The following CSMD1 variants were observed in gnomAD, a reference collection of about 807,000 sequenced individuals.
CSMD1 encodes CUB and sushi domain-containing protein 1.
Under a neutral mutation model 417.5 loss-of-function variants are expected in CSMD1, and 213 were observed. The ratio of observed to expected loss-of-function variants is 0.51; its 90% CI spans 0.46 to 0.57. The LOEUF (loss-of-function observed/expected upper bound fraction) is 0.57, where lower values mean the gene tolerates loss of function less well. Among genes scored for constraint, CSMD1 ranks in the 20% least tolerant of loss-of-function variants. CSMD1 has a pLI of 0.00. For synonymous variants in CSMD1, 2,862 were observed against 1,736.8 expected (o/e 1.65, Z -16.11); for missense variants, 6,923 against 4,529.7 (o/e 1.53, Z -15.17).
At chr8:4,012,135 T>A (rs183536817) in intron 4 of CSMD1, among the ~76,000 whole-genome samples, 19 of 152,232 alleles carry the variant, frequency 1.2e-4, no homozygotes, top group African/African-American at 4.1e-4. Flanking sequence ...ATATATATAT[T>A]TTTCATCCAC....
intron 26 of CSMD1, among the ~76,000 whole-genome samples, chr8:3,237,547 A>C (rs1585746487): frequency 6.9e-6 from 1 of 145,078 alleles, no homozygotes; most frequent in East Asian, 2.0e-4. Context: ...ATATTATATA[A>C]ATAACACAAC....
chr8:3,499,288 T>A, intron 10 of CSMD1, among the ~76,000 whole-genome samples: 1 of 152,204 alleles, frequency 6.6e-6, no homozygotes, highest in Non-Finnish European at 1.5e-5. Flanking sequence ...GCTGTCTGAG[T>A]AGCCTTGGCT....
At chr8:3,334,694 G>A (rs953444568) in intron 23 of CSMD1, among the ~76,000 whole-genome samples, 1 of 152,220 alleles carries the variant, frequency 6.6e-6, no homozygotes, top group African/African-American at 2.4e-5. Context: ...GAGCTGCAGT[G>A]CAAACGGCTG....
At chr8:4,230,455 T>C (rs886988769) in intron 3 of CSMD1, among the ~76,000 whole-genome samples, 1 of 152,176 alleles carries the variant, frequency 6.6e-6, no homozygotes, top group African/African-American at 2.4e-5. Context: ...TTAAATTATA[T>C]CCCAATCAAT....
At chr8:3,877,489 C>T (rs141547526) in intron 5 of CSMD1, among the ~76,000 whole-genome samples, 6 of 152,052 alleles carry the variant, frequency 3.9e-5, no homozygotes, top group East Asian at 1.9e-4. Flanking sequence ...GCTTCTAAGA[C>T]GAGGGAGGAA....
chr8:4,040,071 T>A (rs1237846966), intron 3 of CSMD1, among the ~76,000 whole-genome samples: 1 of 152,178 alleles, frequency 6.6e-6, no homozygotes, highest in Non-Finnish European at 1.5e-5. Flanking sequence ...AGGGAAATAA[T>A]ACAATTTTCA....
intron 5 of CSMD1, among the ~76,000 whole-genome samples, chr8:3,788,313 A>T (rs148361616): frequency 6.6e-6 from 1 of 152,268 alleles, no homozygotes; most frequent in African/African-American, 2.4e-5. Context: ...AAAATGCATA[A>T]TAAATTAAGG....
chr8:3,986,517 C>T (rs1412212299), intron 5 of CSMD1, among the ~76,000 whole-genome samples: 1 of 152,116 alleles, frequency 6.6e-6, no homozygotes, highest in Non-Finnish European at 1.5e-5. Context: ...CTTCTCCTTT[C>T]TTTTTCTACT....
chr8:3,704,233 C>A (rs1348544359), intron 7 of CSMD1, among the ~76,000 whole-genome samples: 2 of 152,028 alleles, frequency 1.3e-5, no homozygotes. Flanking sequence ...AATAGAGCAG[C>A]CTGGGAAAAG....
At chr8:3,723,184 G>C (rs1039088220) in intron 6 of CSMD1, among the ~76,000 whole-genome samples, 1 of 152,098 alleles carries the variant, frequency 6.6e-6, no homozygotes, top group African/African-American at 2.4e-5. Context: ...GGGGCCACTC[G>C]GGGCACTCAG....
intron 1 of CSMD1, among the ~76,000 whole-genome samples, chr8:4,863,220 T>C (rs1400409618): frequency 6.6e-6 from 1 of 152,154 alleles, no homozygotes; most frequent in South Asian, 2.1e-4. Flanking sequence ...ATCTCCAAAA[T>C]GAGGAAAAAT....
intron 27 of CSMD1, among the ~76,000 whole-genome samples, chr8:3,227,042 G>C (rs555856913): frequency 6.6e-6 from 1 of 152,086 alleles, no homozygotes; most frequent in African/African-American, 2.4e-5. Context: ...CTGTGAGTCA[G>C]AGAAAACATT....
intron 3 of CSMD1, among the ~76,000 whole-genome samples, chr8:4,191,583 T>G (rs767432647): frequency 6.6e-6 from 1 of 152,154 alleles, no homozygotes; most frequent in Non-Finnish European, 1.5e-5. Flanking sequence ...CATGAATCAC[T>G]GTTCTTCAGC....
intron 1 of CSMD1, among the ~76,000 whole-genome samples, chr8:4,987,660 T>C (rs1811250088): frequency 6.6e-6 from 1 of 152,128 alleles, no homozygotes; most frequent in South Asian, 2.1e-4. Flanking sequence ...GGATGAAAAT[T>C]ACGGTTCCTG....
At chr8:3,753,189 C>A (rs945595453) in intron 6 of CSMD1, among the ~76,000 whole-genome samples, 1 of 152,092 alleles carries the variant, frequency 6.6e-6, no homozygotes, top group South Asian at 2.1e-4. Flanking sequence ...AAAGCTTAGG[C>A]ACTTTGATTG....
chr8:3,800,153 G>C (rs968073477), intron 5 of CSMD1, among the ~76,000 whole-genome samples: 5 of 152,058 alleles, frequency 3.3e-5, no homozygotes, highest in Non-Finnish European at 5.9e-5. Context: ...TTTCCATGTG[G>C]AAAAAGAACA....
intron 5 of CSMD1, among the ~76,000 whole-genome samples, chr8:3,800,876 G>A (rs183568994): frequency 2.0e-5 from 3 of 152,146 alleles, no homozygotes; most frequent in African/African-American, 7.2e-5. Context: ...CTGGTGCCAT[G>A]CTTCTGCTAT....
At chr8:3,959,714 C>T (rs1471177218) in intron 5 of CSMD1, among the ~76,000 whole-genome samples, 1 of 152,174 alleles carries the variant, frequency 6.6e-6, no homozygotes, top group Non-Finnish European at 1.5e-5. Flanking sequence ...TACCTGAACA[C>T]AGAATGTTTT....
At chr8:3,974,206 A>T (rs1438372723) in intron 5 of CSMD1, among the ~76,000 whole-genome samples, 1 of 152,146 alleles carries the variant, frequency 6.6e-6, no homozygotes, top group Admixed American at 6.5e-5. Flanking sequence ...GATCAAAGCC[A>T]GGAAACCTTT....
Sources: allele counts gnomAD v4.1 joint callset (sites outside exome capture counted in the v4.1 genomes callset), GRCh38; gene constraint gnomAD v4.1.1; transcripts MANE v1.5; gene names NCBI Gene and HGNC (gene_info 2026-07-23, HGNC 2026-07-21).